SNTG1: variants seen among roughly 807,000 people sequenced by gnomAD.
SNTG1 encodes syntrophin gamma 1, also known as gamma-1-syntrophin.
A neutral mutation model predicts 74.7 loss-of-function variants in SNTG1; 39 were observed. That is an observed-to-expected ratio of 0.52 (90% CI 0.40 to 0.68). The LOEUF (loss-of-function observed/expected upper bound fraction) is 0.68, where lower values mean the gene tolerates loss of function less well. Among genes scored for constraint, SNTG1 ranks in the 30% least tolerant of loss-of-function variants. The probability of loss-of-function intolerance (pLI) is 0.00; values close to 1 mark genes in which losing one functional copy is unlikely to be tolerated. For synonymous variants in SNTG1, 254 were observed against 217.1 expected (o/e 1.17, Z -1.49); for missense variants, 685 against 609.5 (o/e 1.12, Z -1.30).
At chr8:50,054,877 A>C (rs1041370382) in intron 1 of SNTG1, among the ~76,000 whole-genome samples, 2 of 151,976 alleles carry the variant, frequency 1.3e-5, no homozygotes, top group African/African-American at 4.8e-5. Context: ...GGGTCTTGCT[A>C]TGTTGCTCAG....
chr8:50,283,114 A>G (rs1450355037), intron 2 of SNTG1, among the ~76,000 whole-genome samples: 1 of 152,246 alleles, frequency 6.6e-6, no homozygotes, highest in South Asian at 2.1e-4. Context: ...GCCAAAAAAT[A>G]AAACATTAAG....
intron 1 of SNTG1, among the ~76,000 whole-genome samples, chr8:49,934,941 A>G (rs1807922250): frequency 6.6e-6 from 1 of 152,136 alleles, no homozygotes; most frequent in African/African-American, 2.4e-5. Context: ...GAAAAATGTT[A>G]AACATATTTT....
intron 1 of SNTG1, among the ~76,000 whole-genome samples, chr8:50,082,461 C>T (rs567359416): frequency 1.3e-5 from 2 of 152,206 alleles, no homozygotes; most frequent in South Asian, 4.1e-4. Flanking sequence ...TGAAGTCTTT[C>T]TTCCTGAAAT....
At chr8:50,124,338 T>C (rs1452327515) in intron 1 of SNTG1, among the ~76,000 whole-genome samples, 1 of 142,030 alleles carries the variant, frequency 7.0e-6, no homozygotes, top group East Asian at 2.0e-4. Context: ...TTCAGTTGTT[T>C]AAGTCACCCA....
At chr8:50,428,943 A>G (rs1375625931) in intron 4 of SNTG1, among the ~76,000 whole-genome samples, 1 of 152,168 alleles carries the variant, frequency 6.6e-6, no homozygotes, top group Non-Finnish European at 1.5e-5. Flanking sequence ...ACAAAATTAT[A>G]AAATACCTAT....
At chr8:50,583,739 T>A (rs928750466) in intron 12 of SNTG1, among the ~76,000 whole-genome samples, 34 of 149,784 alleles carry the variant, frequency 2.3e-4, no homozygotes, top group African/African-American at 8.2e-4. Flanking sequence ...CTGCTAGAGG[T>A]CAGGTAAGTT....
intron 1 of SNTG1, among the ~76,000 whole-genome samples, chr8:50,103,583 A>G (rs1015469594): frequency 6.6e-5 from 10 of 152,144 alleles, no homozygotes; most frequent in Non-Finnish European, 5.9e-5. Flanking sequence ...CCTGGCCAGA[A>G]CTTCCAACAC....
Position 50,356,580 on chromosome 8 carries a change from T to A in SNTG1, c.-27-37632T>A, listed in dbSNP as rs577591657. Reference sequence around the variant, plus strand: ...GATCAAGATGCCGGCATCCGCTGTCTGGTAAGGAAGGGCCTTCTTGCTCTG... The same window carrying A: ...GATCAAGATGCCGGCATCCGCTGTCAGGTAAGGAAGGGCCTTCTTGCTCTG... On this transcript the variant is annotated intron_variant, in intron 2 of 18. Transcript: ENST00000642720. 3.9e-5 allele frequency among the ~76,000 whole-genome samples: 6 copies of A among 152,290 alleles called. No individual in the cohort carries two copies. The East Asian group carries it at 1.2e-3, about 29-fold the overall frequency.
At chr8:50,192,163 T>A (rs976258382) in intron 2 of SNTG1, among the ~76,000 whole-genome samples, 1 of 152,142 alleles carries the variant, frequency 6.6e-6, no homozygotes, top group Non-Finnish European at 1.5e-5. Context: ...AAAAAGCTTT[T>A]GTTGTTGTTT....
At chr8:50,596,172 A>G (rs2094725936) in intron 13 of SNTG1, among the ~76,000 whole-genome samples, 1 of 152,024 alleles carries the variant, frequency 6.6e-6, no homozygotes, top group African/African-American at 2.4e-5. Flanking sequence ...ATGATCTGTT[A>G]AATTTTAATT....
chr8:50,085,142 G>A (rs1452835577), intron 1 of SNTG1, among the ~76,000 whole-genome samples: 1 of 152,118 alleles, frequency 6.6e-6, no homozygotes, highest in Non-Finnish European at 1.5e-5. Context: ...AGTAATTATG[G>A]AAGAATTTAG....
chr8:49,926,333 T>C (rs1807026836), intron 1 of SNTG1, among the ~76,000 whole-genome samples: 1 of 152,108 alleles, frequency 6.6e-6, no homozygotes, highest in Non-Finnish European at 1.5e-5. Flanking sequence ...ATAATTTTTT[T>C]ACAATTTATA....
intron 2 of SNTG1, among the ~76,000 whole-genome samples, chr8:50,215,541 T>A (rs1419062558): frequency 1.3e-5 from 2 of 150,080 alleles, no homozygotes; most frequent in Non-Finnish European, 3.0e-5. Flanking sequence ...TATCCTGACA[T>A]TTTATTATAA....
rs138721952 is a variant in SNTG1 at position 50,495,277 on chromosome 8, T to C, written c.364-7501T>C. Among the ~76,000 whole-genome samples, 9 of 152,154 alleles carry C rather than the reference T, an allele frequency of 5.9e-5. No individual in the cohort carries two copies. In the East Asian group the frequency reaches 1.7e-3, roughly 29 times the overall value. On this transcript the variant is annotated intron_variant, in intron 8 of 18. Coordinates refer to ENST00000642720, the MANE Select transcript of SNTG1 (RefSeq NM_018967.5). Reference sequence around the variant, plus strand: ...AAAATTAAAATGCAGAAAAAAATAATAAAGTGAATGAATACATACAATGCC... The same window carrying C: ...AAAATTAAAATGCAGAAAAAAATAACAAAGTGAATGAATACATACAATGCC...
chr8:50,026,368 A>G (rs1817263244), intron 1 of SNTG1, among the ~76,000 whole-genome samples: 1 of 152,184 alleles, frequency 6.6e-6, no homozygotes, highest in African/African-American at 2.4e-5. Flanking sequence ...GTGAATGTGC[A>G]CAAGAGCCTA....
At chr8:50,425,158 A>T (rs1587577379) in intron 4 of SNTG1, among the ~76,000 whole-genome samples, 1 of 152,158 alleles carries the variant, frequency 6.6e-6, no homozygotes, top group Non-Finnish European at 1.5e-5. Context: ...CTAAGTGGAG[A>T]TAAGGGCAAA....
In SNTG1 at chr8:50,497,508, T is replaced by C. The variant is rs140090557; in HGVS notation, c.364-5270T>C. ...TATTGATTATATCAATATATAGAGG[T>C]TATAATATAATGTCAATACAAATAC... On this transcript the variant is annotated intron_variant, in intron 8 of 18. Coordinates refer to ENST00000642720, the MANE Select transcript of SNTG1 (RefSeq NM_018967.5). 1.9e-3 allele frequency among the ~76,000 whole-genome samples: 282 copies of C among 152,044 alleles called. 3 individuals are homozygous for C. The highest frequency in any genetic ancestry group is 6.5e-3 in the African/African-American group (269 of 41,526).
intron 13 of SNTG1, among the ~76,000 whole-genome samples, chr8:50,648,434 A>T (rs1328007388): frequency 6.6e-6 from 1 of 152,064 alleles, no homozygotes; most frequent in East Asian, 1.9e-4. Context: ...ATTAATAGAG[A>T]AACTGTAAGT....
In SNTG1 at chr8:50,402,244, A is replaced by T; in HGVS notation, c.62A>T (p.Asn21Ile). 16 of 1,611,028 alleles carry T rather than the reference A, an allele frequency of 9.9e-6. No homozygotes were observed. Among genetic ancestry groups the T allele is most frequent in the Non-Finnish European group, 1.4e-5 (16 of 1,179,292 alleles). ...KTGICLLQDGNQEPFKVRLHL... is the reference protein window; with the variant it reads ...KTGICLLQDGIQEPFKVRLHL... ...GGAATTTGTTTGCTGCAGGATGGTA[A>T]CCAGGAGCCTTTCAAAGTGCGGCTG... Residue 21 changes from asparagine to isoleucine, a missense_variant, in exon 4 of 19, where the codon AAC becomes ATC. Coordinates refer to ENST00000642720, the MANE Select transcript of SNTG1 (RefSeq NM_018967.5).
Sources: gnomAD v4.1 joint callset for allele counts (sites outside exome capture counted in the v4.1 genomes callset) on GRCh38, gnomAD v4.1.1 for gene constraint, MANE v1.5 for transcripts, NCBI Gene and HGNC (gene_info 2026-07-23, HGNC 2026-07-21) for gene names.